The following SPINDOC variants were observed in gnomAD, a reference collection of about 807,000 sequenced individuals.
SPINDOC encodes spindlin interactor and repressor of chromatin binding, also known as spindlin interactor and repressor of chromatin-binding protein.
A neutral mutation model predicts 30.7 loss-of-function variants in SPINDOC; 13 were observed. That is an observed-to-expected ratio of 0.42 (90% CI 0.28 to 0.67). The LOEUF (loss-of-function observed/expected upper bound fraction) is 0.67, where lower values mean the gene tolerates loss of function less well. Among genes scored for constraint, SPINDOC ranks in the 30% least tolerant of loss-of-function variants. SPINDOC has a pLI of 0.22. For missense variants in SPINDOC, 438 were observed against 518.0 expected, an observed-to-expected ratio of 0.85 and a Z score of 1.50; for synonymous variants, 228 against 211.4, an observed-to-expected ratio of 1.08 and a Z score of -0.68.
Position 63,827,162 on chromosome 11 carries a change from A to AG in SPINDOC, c.*26dup. Reference sequence around the variant, plus strand: ...TAAATTCTTGCTTTCCTGGGGAGGGAGGGAGGGATGAGGCAGCGTCCCCCA... The same window carrying AG: ...TAAATTCTTGCTTTCCTGGGGAGGGAGGGGAGGGATGAGGCAGCGTCCCCCA... On this transcript the variant is annotated 3_prime_UTR_variant, in exon 6 of 6. Coordinates refer to ENST00000294244, the MANE Select transcript of SPINDOC (RefSeq NM_138471.3). 6.7e-6 allele frequency: 4 copies of AG among 600,016 alleles called. No homozygotes were observed. The highest frequency in any genetic ancestry group is 1.2e-5 in the Non-Finnish European group (4 of 322,194). The allele number at this position is 600,016 out of a possible 1,614,324, so 37.2% of individuals were successfully genotyped here. A position where few individuals can be genotyped will look rare whatever the true frequency, so the allele number is the denominator to read the frequency against.
chr11:63,820,554 C>T (rs2015485687), intron 5 of SPINDOC, among the ~76,000 whole-genome samples: 1 of 152,066 alleles, frequency 6.6e-6, no homozygotes, highest in Non-Finnish European at 1.5e-5. Context: ...TGTCAGTTTC[C>T]TATTTGCTGC....
At chr11:63,826,775 C>A (rs572234116) in intron 5 of SPINDOC, among the ~76,000 whole-genome samples, 153 bp from the exon 6 acceptor site, 1 of 152,222 alleles carries the variant, frequency 6.6e-6, no homozygotes, top group Non-Finnish European at 1.5e-5. Flanking sequence ...GAGCTCCCTG[C>A]CATCCTTGGG....
chr11:63,815,846 C>T (rs903044497), intron 1 of SPINDOC, among the ~76,000 whole-genome samples: 1 of 151,836 alleles, frequency 6.6e-6, no homozygotes, highest in Admixed American at 6.6e-5. Flanking sequence ...CGGCTCACTG[C>T]AACCTTCGCC....
intron 5 of SPINDOC, among the ~76,000 whole-genome samples, chr11:63,820,223 C>T (rs1275008552): frequency 1.3e-5 from 2 of 150,762 alleles, no homozygotes; most frequent in Non-Finnish European, 2.9e-5. Flanking sequence ...TATGGCGAAA[C>T]CTCATCTCTA....
In SPINDOC at chr11:63,818,542, A is replaced by C; in HGVS notation, c.623A>C (p.Glu208Ala). ...PLELPAVPATEPGNKKPRGQR... is the reference protein window; with the variant it reads ...PLELPAVPATAPGNKKPRGQR... ...CTTTTTGCAGCTGTCCCTGCCACAG[A>C]GCCAGGAAATAAGAAGCCCCGTGGT... Residue 208 changes from glutamate (E) to alanine (A), a missense_variant, in exon 4 of 6, where the codon GAG (glutamate) becomes GCG (alanine). Transcript: ENST00000294244. The surrounding 1 kb of genome is among the most constrained non-coding windows in gnomAD (Gnocchi z 5.3). 1.2e-6 allele frequency: 2 copies of C among 1,612,900 alleles called. No homozygotes were observed. The highest frequency in any genetic ancestry group is 2.2e-5 in the South Asian group (2 of 91,068).
chr11:63,817,383 A>G (rs1023970682), intron 1 of SPINDOC, among the ~76,000 whole-genome samples: 1 of 152,174 alleles, frequency 6.6e-6, no homozygotes, highest in Non-Finnish European at 1.5e-5. Flanking sequence ...AAAAGAATTT[A>G]CCTTCCTCAT....
intron 1 of SPINDOC, among the ~76,000 whole-genome samples, chr11:63,814,066 C>T (rs1433312239): frequency 6.6e-6 from 1 of 152,242 alleles, no homozygotes; most frequent in Non-Finnish European, 1.5e-5. Context: ...CGATCCACGC[C>T]CCGCACGCTC....
At chr11:63,822,389 GA>G (rs2015548747) in intron 5 of SPINDOC, among the ~76,000 whole-genome samples, 1 of 117,220 alleles carries the variant, frequency 8.5e-6, no homozygotes, top group Non-Finnish European at 1.8e-5. Context: ...AAGAAACAAA[GA>G]AAAAAGGCAG....
At chr11:63,823,067 C>A in intron 5 of SPINDOC, 1 of 1,167,884 alleles carries the variant, frequency 8.6e-7, no homozygotes, top group Non-Finnish European at 1.1e-6. Context: ...GGAGCCTGTG[C>A]CCGAGGGAGG....
In SPINDOC at chr11:63,819,592, G is replaced by A. The variant is rs111674235; in HGVS notation, c.934+590G>A. Among the ~76,000 whole-genome samples the A allele has an allele frequency of 5.5e-3, 840 of 151,374 alleles. 4 individuals carry two copies. The highest frequency in any genetic ancestry group is 0.019 in the African/African-American group (794 of 41,190). Reference sequence around the variant, plus strand: ...GTTCAGTGCATCCTCTGCTTCCCAGGTTCAAGCGATTCTCCTGCCTCACCC... The same window carrying A: ...GTTCAGTGCATCCTCTGCTTCCCAGATTCAAGCGATTCTCCTGCCTCACCC... On this transcript the variant is annotated intron_variant, in intron 5 of 5. Transcript: ENST00000294244.
chr11:63,821,609 GCTT>G lies in SPINDOC; in HGVS notation c.934+2611_934+2613del. On this transcript the variant is annotated intron_variant, in intron 5 of 5. Transcript: ENST00000294244. Reference sequence around the variant, plus strand: ...CATAGTTTACAGGCGCTCAGGAAATGCTTCTTGAAGAAGTGAATAGGTAGGAGT... The same window carrying G: ...CATAGTTTACAGGCGCTCAGGAAATGCTTGAAGAAGTGAATAGGTAGGAGT... Among the ~76,000 whole-genome samples, 3 of 152,316 alleles carry G rather than the reference GCTT, an allele frequency of 2.0e-5. No individual in the cohort carries two copies. The South Asian group carries it at 6.2e-4, about 32-fold the overall frequency.
chr11:63,824,763 CA>C (rs138145513), intron 5 of SPINDOC, among the ~76,000 whole-genome samples: 61,351 of 140,968 alleles, frequency 0.44, 15,109 homozygotes, highest in East Asian at 0.71. Flanking sequence ...GACTCCATCT[CA>C]AAAAAAAAAA....
intron 5 of SPINDOC, chr11:63,822,452 C>T: frequency 1.1e-5 from 5 of 457,102 alleles, no homozygotes; most frequent in South Asian, 5.3e-5. Flanking sequence ...CAAAGTTTTT[C>T]TTTGTGTTCA....
At chr11:63,822,442 C>T (rs1392390161) in intron 5 of SPINDOC, 2 of 436,914 alleles carry the variant, frequency 4.6e-6, no homozygotes, top group East Asian at 7.2e-5. Flanking sequence ...TCACCCCTCA[C>T]AAAGTTTTTC....
chr11:63,826,922 G>T lies in SPINDOC; in HGVS notation c.935-6G>T, dbSNP rs1486680985. The T allele has an allele frequency of 7.0e-7, 1 of 1,433,024 alleles. No individual in the cohort carries two copies. The highest frequency in any genetic ancestry group is 1.7e-5 in the Admixed American group (1 of 58,864). 88.8% of individuals were successfully genotyped at this position (1,433,024 alleles called of 1,614,324 possible). ...CTGACTGCTCTCTGCTCTCATCCCT[G>T]CCCAGCTCCCCCTCCGGGGCTCCGC... On this transcript the variant is annotated splice_polypyrimidine_tract_variant and splice_region_variant and intron_variant, in intron 5 of 5. Coordinates refer to ENST00000294244, the MANE Select transcript of SPINDOC (RefSeq NM_138471.3).
intron 1 of SPINDOC, among the ~76,000 whole-genome samples, chr11:63,815,614 C>CT (rs1280190329): frequency 2.6e-5 from 4 of 152,150 alleles, no homozygotes; most frequent in Non-Finnish European, 4.4e-5. Context: ...AGAGAAGTGT[C>CT]TAAGGACTGA....
rs1445432416 is a variant in SPINDOC, at chr11:63,818,584, C to T, written c.665C>T (p.Pro222Leu). ...CCCCGTGGTCAGAGATGGAAGGAAC[C>T]CCCAGGGGAAGAGCCAGTCAGAAAG... ...KKPRGQRWKE[P>L]PGEEPVRKKR... The change falls in exon 4 of 6, where the codon CCC (proline) becomes CTC (leucine). Residue 222 changes from proline (P) to leucine (L), a missense_variant. Physicochemically the swap from Pro to Leu is moderately conservative, Grantham distance 98. Coordinates refer to ENST00000294244, the MANE Select transcript of SPINDOC (RefSeq NM_138471.3). This position sits in a 1 kb window ranked among gnomAD's most constrained non-coding sequence, Gnocchi z 5.3. 1.2e-6 allele frequency: 2 copies of T among 1,613,556 alleles called. No homozygotes were observed. Among genetic ancestry groups the T allele is most frequent in the African/African-American group, 2.7e-5 (2 of 74,884 alleles).
chr11:63,823,936 T>C (rs2015592685), intron 5 of SPINDOC, among the ~76,000 whole-genome samples: 1 of 137,862 alleles, frequency 7.3e-6, no homozygotes, highest in South Asian at 2.4e-4. Flanking sequence ...AGATGGAGTT[T>C]TGCTCTTGTC....
intron 5 of SPINDOC, chr11:63,823,214 T>C (rs1270067346): frequency 3.1e-6 from 4 of 1,288,850 alleles, no homozygotes; most frequent in Middle Eastern, 2.1e-4. Flanking sequence ...GCTCTGGACC[T>C]GTGGTTTCAG....
Sources: gnomAD v4.1 joint callset for allele counts (sites outside exome capture counted in the v4.1 genomes callset) on GRCh38, gnomAD v4.1.1 for gene constraint, Gnocchi (gnomAD v3.1) non-coding constraint, MANE v1.5 for transcripts, NCBI Gene and HGNC (gene_info 2026-07-23, HGNC 2026-07-21) for gene names.